MRTFB: variants seen among roughly 807,000 people sequenced by gnomAD.
MRTFB encodes the protein myocardin related transcription factor B.
Under a neutral mutation model 104.2 loss-of-function variants are expected in MRTFB, and 29 were observed. That is an observed-to-expected ratio of 0.28 (90% CI 0.21 to 0.38). The LOEUF (loss-of-function observed/expected upper bound fraction) is 0.38. Ranked by LOEUF, MRTFB falls within the 10% of genes least tolerant of loss-of-function variation. The pLI is 1.00. For synonymous variants in MRTFB, 535 were observed against 519.5 expected (o/e 1.03, Z -0.41); for missense variants, 1,270 against 1,341.6 (o/e 0.95, Z 0.83).
the MRTFB span, among the ~76,000 whole-genome samples, chr16:14,060,971 C>T: frequency 7.9e-5 from 12 of 151,964 alleles, no homozygotes; most frequent in African/African-American, 2.4e-4. Flanking sequence ...ACAGTGAAAC[C>T]CTGTCTCTAC....
chr16:14,125,728 G>A lies in MRTFB; in HGVS notation c.-63-14816G>A, dbSNP rs117352276. 6.0e-3 allele frequency among the ~76,000 whole-genome samples: 911 copies of A among 152,236 alleles called. 4 individuals are homozygous for A. Among genetic ancestry groups the A allele is most frequent in the Non-Finnish European group, 0.011 (742 of 68,022 alleles). Reference sequence around the variant, plus strand: ...TGGCAAATGGGTTTTTGTACTTTACGTCTGTCTGAGGTTTATAATATGCTG... The same window carrying A: ...TGGCAAATGGGTTTTTGTACTTTACATCTGTCTGAGGTTTATAATATGCTG... On this transcript the variant is annotated intron_variant, in intron 2 of 16. Coordinates refer to ENST00000571589, the MANE Select transcript of MRTFB (RefSeq NM_001308142.2).
Position 14,210,324 on chromosome 16 carries a change from T to C in MRTFB, c.220+16T>C. ...ATCATGCCACGTAAGATTTATACCA[T>C]CACTGCCATCCCTAACGTGACAGAA... On this transcript the variant is annotated intron_variant, in intron 4 of 16. Coordinates refer to ENST00000571589, the MANE Select transcript of MRTFB (RefSeq NM_001308142.2). 1 of 1,603,806 alleles carries C rather than the reference T, an allele frequency of 6.2e-7. No individual in the cohort carries two copies. The highest frequency in any genetic ancestry group is 8.5e-7 in the Non-Finnish European group (1 of 1,172,574).
chr16:14,041,571 C>T, the MRTFB span, among the ~76,000 whole-genome samples: 5 of 152,168 alleles, frequency 3.3e-5, no homozygotes, highest in Non-Finnish European at 7.3e-5. Flanking sequence ...CATCAATAGA[C>T]ATTTGGGTTG....
In MRTFB at chr16:14,263,274, T is replaced by C. The variant is rs1309591282; in HGVS notation, c.*1830T>C. On this transcript the variant is annotated 3_prime_UTR_variant, in exon 17 of 17. Transcript: ENST00000571589. ...CTCTCTGTTAACCAGAACACCGTCATTTGACCAAGCCCTACAAGAGTTTAC... is the reference window on the plus strand; with the variant it reads ...CTCTCTGTTAACCAGAACACCGTCACTTGACCAAGCCCTACAAGAGTTTAC... 1 of 152,268 alleles carries C rather than the reference T, an allele frequency of 6.6e-6. No individual in the cohort carries two copies. Among genetic ancestry groups the C allele is most frequent in the African/African-American group, 2.4e-5 (1 of 41,466 alleles). The allele number at this position is 152,268 out of a possible 1,614,324, so 9.4% of individuals were successfully genotyped here. A position where few individuals can be genotyped will look rare whatever the true frequency, so the allele number is the denominator to read the frequency against.
At chr16:14,203,363 C>A (rs148291243) in intron 3 of MRTFB, among the ~76,000 whole-genome samples, 165 of 152,248 alleles carry the variant, frequency 1.1e-3, no homozygotes, top group African/African-American at 3.7e-3. Context: ...CAGAAAGTGT[C>A]ATTTTTGCAT....
chr16:14,075,524 GCCT>G (rs1428219503), intron 1 of MRTFB, among the ~76,000 whole-genome samples: 23 of 152,206 alleles, frequency 1.5e-4, no homozygotes, highest in African/African-American at 5.1e-4. Flanking sequence ...AGGATTGCTA[GCCT>G]CCTCCTCCAG....
intron 8 of MRTFB, among the ~76,000 whole-genome samples, chr16:14,232,984 TAAGTAAGTCC>T (rs992996401): frequency 1.3e-5 from 2 of 152,212 alleles, no homozygotes; most frequent in Non-Finnish European, 2.9e-5. Flanking sequence ...AAGGGTGGTG[TAAGTAAGTCC>T]AAGTAGTAAT....
At chr16:14,031,642 A>T in the MRTFB span, among the ~76,000 whole-genome samples, 15 of 152,306 alleles carry the variant, frequency 9.8e-5, no homozygotes, top group African/African-American at 3.6e-4. Flanking sequence ...TCCTGGTCAG[A>T]GCCACTAAAA....
intron 9 of MRTFB, among the ~76,000 whole-genome samples, chr16:14,237,021 T>TG (rs2042546071): frequency 6.6e-6 from 1 of 152,172 alleles, no homozygotes; most frequent in South Asian, 2.1e-4. Context: ...ACTAGCAACT[T>TG]GCAGTTGCCA....
chr16:14,252,773 G>A (rs541376872), intron 15 of MRTFB, among the ~76,000 whole-genome samples: 3 of 152,338 alleles, frequency 2.0e-5, no homozygotes, highest in African/African-American at 7.2e-5. Context: ...AGGGGCATCA[G>A]TCATGTTAGA....
At chr16:14,253,588 G>C (rs113035383) in intron 15 of MRTFB, among the ~76,000 whole-genome samples, 1 of 152,156 alleles carries the variant, frequency 6.6e-6, no homozygotes, top group Non-Finnish European at 1.5e-5. Flanking sequence ...TCATGCCTAC[G>C]CTTCCTTGAC....
chr16:14,049,359 T>C, the MRTFB span, among the ~76,000 whole-genome samples: 4 of 152,362 alleles, frequency 2.6e-5, no homozygotes, highest in African/African-American at 4.8e-5. Context: ...TAGATGATAA[T>C]TGAAACATAA....
chr16:14,231,153 G>T (rs1349134282), intron 8 of MRTFB, among the ~76,000 whole-genome samples: 1 of 141,378 alleles, frequency 7.1e-6, no homozygotes, highest in East Asian at 2.3e-4. Flanking sequence ...GGAGGGGGGA[G>T]GGATAGCATT....
At chr16:14,207,624 G>T (rs1295411500) in intron 3 of MRTFB, among the ~76,000 whole-genome samples, 1 of 152,162 alleles carries the variant, frequency 6.6e-6, no homozygotes, top group Non-Finnish European at 1.5e-5. Context: ...GATAGGGGCT[G>T]ATCACCAGAA....
chr16:14,208,899 C>T (rs2041067176), intron 3 of MRTFB, among the ~76,000 whole-genome samples: 1 of 152,106 alleles, frequency 6.6e-6, no homozygotes, highest in African/African-American at 2.4e-5. Flanking sequence ...CTTTGTGTAG[C>T]AGAATCTTGT....
intron 15 of MRTFB, among the ~76,000 whole-genome samples, chr16:14,253,273 G>C (rs1394701115): frequency 6.6e-6 from 1 of 152,160 alleles, no homozygotes; most frequent in Non-Finnish European, 1.5e-5. Context: ...TAACCTTTGA[G>C]GGAAGAACCC....
At chr16:14,109,980 A>T (rs1310028249) in intron 2 of MRTFB, among the ~76,000 whole-genome samples, 1 of 152,252 alleles carries the variant, frequency 6.6e-6, no homozygotes, top group African/African-American at 2.4e-5. Context: ...TCAGAAAAGG[A>T]GAGGAAAAAG....
chr16:14,187,009 G>T, intron 3 of MRTFB: 1 of 1,596,630 alleles, frequency 6.3e-7, no homozygotes, highest in African/African-American at 1.3e-5. Flanking sequence ...TGCCTTGAGG[G>T]GAGCAACCAG....
intron 2 of MRTFB, among the ~76,000 whole-genome samples, chr16:14,086,862 TAAAC>T (rs1195993458): frequency 2.0e-5 from 3 of 152,228 alleles, no homozygotes; most frequent in Non-Finnish European, 2.9e-5. Flanking sequence ...ACATTGTACT[TAAAC>T]AGAAAGTTTT....
Sources: allele counts gnomAD v4.1 joint callset (sites outside exome capture counted in the v4.1 genomes callset), GRCh38; gene constraint gnomAD v4.1.1; transcripts MANE v1.5; gene names NCBI Gene and HGNC (gene_info 2026-07-23, HGNC 2026-07-21).